The following NDRG1 variants were observed in gnomAD, a reference collection of about 807,000 sequenced individuals.
NDRG1 encodes the protein N-myc downstream regulated 1, also known as protein NDRG1.
In NDRG1, 32 loss-of-function variants were observed where a neutral mutation model predicts 56.9. The ratio of observed to expected loss-of-function variants is 0.56; its 90% CI spans 0.42 to 0.76. The LOEUF (loss-of-function observed/expected upper bound fraction) is 0.76, where lower values mean the gene tolerates loss of function less well. NDRG1 is among the 30% of genes least tolerant of loss of function. The pLI, the probability that NDRG1 is intolerant of heterozygous loss-of-function variation, is 0.00. For missense variants in NDRG1, 507 were observed against 545.7 expected (o/e 0.93, Z 0.71); for synonymous variants, 211 against 204.1 (o/e 1.03, Z -0.29).
chr8:133,238,012 T>C lies in NDRG1; in HGVS notation c.*866A>G, dbSNP rs16904865. ...GAATGTTGCCCTCCATTCTAAGGAA[T>C]GCAAAACAAATCTAAATGATCTTCT... On this transcript the variant is annotated 3_prime_UTR_variant, in exon 16 of 16. Coordinates refer to ENST00000323851, the MANE Select transcript of NDRG1 (RefSeq NM_006096.4). The C allele has an allele frequency of 5.6e-5, 13 of 233,124 alleles. No individual in the cohort carries two copies. The South Asian group carries it at 2.0e-3, about 36-fold the overall frequency. 14.4% of individuals were successfully genotyped at this position (233,124 alleles called of 1,614,324 possible).
intron 3 of NDRG1, among the ~76,000 whole-genome samples, chr8:133,268,692 G>T (rs1260926347): frequency 6.6e-6 from 1 of 152,162 alleles, no homozygotes; most frequent in Non-Finnish European, 1.5e-5. Context: ...TAGGTTTGTG[G>T]TGGTAGAACT....
chr8:133,279,591 C>T (rs1177951568), intron 3 of NDRG1, among the ~76,000 whole-genome samples: 10 of 152,192 alleles, frequency 6.6e-5, no homozygotes, highest in Non-Finnish European at 1.0e-4. Context: ...TTCAAGGAGA[C>T]CACAAGCTCG....
chr8:133,258,521 TAGGCAA>T, intron 6 of NDRG1, 95 bp from the exon 7 acceptor site: 1 of 1,236,104 alleles, frequency 8.1e-7, no homozygotes. Flanking sequence ...ACCGCCTGGC[TAGGCAA>T]TGCGGGAGCA....
intron 14 of NDRG1, among the ~76,000 whole-genome samples, chr8:133,242,292 T>C (rs371693015): frequency 6.6e-6 from 1 of 152,248 alleles, no homozygotes; most frequent in Non-Finnish European, 1.5e-5. Flanking sequence ...ATGACCTGTC[T>C]GAGCCAGTTT....
intron 15 of NDRG1, chr8:133,241,137 A>C (rs780622510): frequency 3.9e-5 from 6 of 152,316 alleles, no homozygotes; most frequent in Non-Finnish European, 7.3e-5. Context: ...GATAAAAGGG[A>C]TCAGAAGTTC....
intron 5 of NDRG1, among the ~76,000 whole-genome samples, chr8:133,260,128 A>C (rs1251486879): frequency 2.6e-5 from 4 of 152,162 alleles, no homozygotes; most frequent in Non-Finnish European, 5.9e-5. Context: ...GTGACACTGG[A>C]GAAGCCACTT....
intron 3 of NDRG1, among the ~76,000 whole-genome samples, chr8:133,277,192 CAG>C (rs751462946): frequency 5.3e-5 from 8 of 152,164 alleles, no homozygotes; most frequent in Non-Finnish European, 1.2e-4. Flanking sequence ...ATCAAAATCA[CAG>C]AGACAGAAAA....
chr8:133,250,868 C>A (rs556631923), intron 9 of NDRG1, among the ~76,000 whole-genome samples: 5 of 144,188 alleles, frequency 3.5e-5, no homozygotes, highest in African/African-American at 1.0e-4. Context: ...CTGTCCCTTT[C>A]GTAGGCAAAT....
intron 2 of NDRG1, among the ~76,000 whole-genome samples, chr8:133,282,574 T>C (rs1857869337): frequency 2.0e-5 from 3 of 152,256 alleles, no homozygotes; most frequent in East Asian, 1.9e-4. Flanking sequence ...TGTTTGACTA[T>C]TTCAGAAGAC....
intron 10 of NDRG1, 140 bp downstream of exon 10, chr8:133,250,300 G>A (rs1286529317): frequency 1.2e-6 from 1 of 816,500 alleles, no homozygotes; most frequent in Middle Eastern, 2.2e-4. Context: ...GGGGACACCT[G>A]TCCTATTAAT....
At chr8:133,245,653 G>A (rs1046572760) in intron 13 of NDRG1, among the ~76,000 whole-genome samples, 2 of 152,102 alleles carry the variant, frequency 1.3e-5, no homozygotes, top group African/African-American at 4.8e-5. Flanking sequence ...GAGGGAGCAC[G>A]GCCCTGCCCA....
At chr8:133,245,027 G>A (rs556191267) in intron 13 of NDRG1, among the ~76,000 whole-genome samples, 1 of 152,268 alleles carries the variant, frequency 6.6e-6, no homozygotes, top group African/African-American at 2.4e-5. Flanking sequence ...AACGGGGCTG[G>A]AGGAGTTCAT....
chr8:133,248,549 G>A (rs944137633), intron 11 of NDRG1, among the ~76,000 whole-genome samples, 166 bp downstream of exon 11: 4 of 152,218 alleles, frequency 2.6e-5, no homozygotes, highest in Non-Finnish European at 1.5e-5. Flanking sequence ...CCGGCACAGG[G>A]AGAAGTCCAA....
At chr8:133,242,808 T>C (rs1483919105) in intron 14 of NDRG1, among the ~76,000 whole-genome samples, 1 of 151,354 alleles carries the variant, frequency 6.6e-6, no homozygotes, top group Non-Finnish European at 1.5e-5. Flanking sequence ...AAAAGAGAAA[T>C]ATGAACAAAA....
chr8:133,258,276 C>T (rs769104164), intron 7 of NDRG1, 90 bp downstream of exon 7: 8 of 1,339,118 alleles, frequency 6.0e-6, no homozygotes, highest in Non-Finnish European at 8.4e-6. Context: ...TTTCTTTTTC[C>T]CTTTTGGGTT....
In NDRG1 at chr8:133,246,608, C is replaced by T. The variant is rs776826543; in HGVS notation, c.855+8G>A. The T allele has an allele frequency of 1.4e-5, 22 of 1,613,940 alleles. No homozygotes were observed. In the East Asian group the frequency reaches 4.7e-4, roughly 34 times the overall value. On this transcript the variant is annotated splice_region_variant and intron_variant, in intron 13 of 15. Transcript: ENST00000323851. ...AACAAACACGAACCCCCACTGTTTT[C>T]CCTGTACCTTGAGGAGAGTGGTCTT... is the stretch of plus-strand genomic sequence containing the variant.
In NDRG1 at chr8:133,254,742, C is replaced by T. The variant is rs1251498126; in HGVS notation, c.538-147G>A. On this transcript the variant is annotated intron_variant, in intron 8 of 15. Transcript: ENST00000323851. ...TCAAGGACATCCCCCTTGATAGAAA[C>T]TCAGTTCCTGTCTCCAGTTCCCTCC... 7.7e-6 allele frequency: 6 copies of T among 778,348 alleles called. No individual in the cohort carries two copies. In the East Asian group the frequency reaches 1.6e-4, roughly 21 times the overall value. 48.2% of individuals were successfully genotyped at this position (778,348 alleles called of 1,614,324 possible).
At chr8:133,289,523 G>T (rs1356759612) in intron 1 of NDRG1, among the ~76,000 whole-genome samples, 5 of 152,074 alleles carry the variant, frequency 3.3e-5, no homozygotes, top group African/African-American at 1.2e-4. Flanking sequence ...CTCTCCACCA[G>T]CACTGTCTGT....
At chr8:133,239,511 A>G (rs1855262338) in intron 15 of NDRG1, 1 of 319,548 alleles carries the variant, frequency 3.1e-6, no homozygotes, top group Admixed American at 4.1e-5. Flanking sequence ...CATGCTGTCC[A>G]TGATCACTGG....
Sources: gnomAD v4.1 joint callset for allele counts (sites outside exome capture counted in the v4.1 genomes callset) on GRCh38, gnomAD v4.1.1 for gene constraint, MANE v1.5 for transcripts, NCBI Gene and HGNC (gene_info 2026-07-23, HGNC 2026-07-21) for gene names.